Variants in ALCAM observed in about 807,000 individuals in gnomAD.
ALCAM encodes the protein activated leukocyte cell adhesion molecule, also known as CD166 antigen.
Under a neutral mutation model 70.9 loss-of-function variants are expected in ALCAM, and 30 were observed. The ratio of observed to expected loss-of-function variants is 0.42; its 90% CI spans 0.32 to 0.57. The LOEUF (loss-of-function observed/expected upper bound fraction) is 0.57, where lower values mean the gene tolerates loss of function less well. ALCAM is among the 20% of genes least tolerant of loss of function. The pLI is 0.11. For missense variants in ALCAM, 591 were observed against 695.1 expected (o/e 0.85, Z 1.68); for synonymous variants, 249 against 242.5 (o/e 1.03, Z -0.25).
chr3:105,434,229 A>G (rs1252432679), intron 1 of ALCAM, among the ~76,000 whole-genome samples: 2 of 152,130 alleles, frequency 1.3e-5, no homozygotes, highest in Non-Finnish European at 2.9e-5. Flanking sequence ...ACTTCAAAGC[A>G]CTCTTTATTT....
chr3:105,530,163 A>G (rs931073609), intron 3 of ALCAM, among the ~76,000 whole-genome samples: 1 of 152,094 alleles, frequency 6.6e-6, no homozygotes, highest in African/African-American at 2.4e-5. Context: ...CAGTTTCCAG[A>G]AAACTTTGAC....
At chr3:105,558,062 G>A (rs1247425685) in intron 14 of ALCAM, among the ~76,000 whole-genome samples, 1 of 152,006 alleles carries the variant, frequency 6.6e-6, no homozygotes, top group Non-Finnish European at 1.5e-5. Flanking sequence ...CTACTGAGCT[G>A]TGACCAAAGA....
intron 1 of ALCAM, among the ~76,000 whole-genome samples, chr3:105,378,936 G>A (rs1036623259): frequency 2.6e-5 from 4 of 151,936 alleles, no homozygotes; most frequent in Non-Finnish European, 4.4e-5. Flanking sequence ...GTATCTCCAC[G>A]GTATAAGAAG....
chr3:105,369,286 T>G (rs1033392516), intron 1 of ALCAM, among the ~76,000 whole-genome samples: 1 of 152,092 alleles, frequency 6.6e-6, no homozygotes, highest in African/African-American at 2.4e-5. Flanking sequence ...ATTTAACTGC[T>G]AAAAGGGGGA....
intron 1 of ALCAM, among the ~76,000 whole-genome samples, chr3:105,481,461 A>G (rs747724702): frequency 4.8e-4 from 73 of 152,332 alleles, no homozygotes; most frequent in Non-Finnish European, 6.9e-4. Flanking sequence ...TTTGAAGCAT[A>G]GAACATATGT....
intron 1 of ALCAM, among the ~76,000 whole-genome samples, chr3:105,504,642 C>G (rs1314997349): frequency 6.6e-6 from 1 of 152,194 alleles, no homozygotes; most frequent in Non-Finnish European, 1.5e-5. Flanking sequence ...TTGTTCCCCC[C>G]ACCTTCCCCC....
At chr3:105,450,187 C>T (rs1326981359) in intron 1 of ALCAM, among the ~76,000 whole-genome samples, 2 of 152,114 alleles carry the variant, frequency 1.3e-5, no homozygotes, top group Non-Finnish European at 2.9e-5. Flanking sequence ...GGTTGAGATA[C>T]CCCAAGACTT....
At chr3:105,468,698 G>A (rs939134269) in intron 1 of ALCAM, among the ~76,000 whole-genome samples, 56 of 151,344 alleles carry the variant, frequency 3.7e-4, no homozygotes, top group African/African-American at 1.3e-3. Context: ...CAATGACCAA[G>A]AGTACATAAA....
At chr3:105,411,541 T>C (rs969692390) in intron 1 of ALCAM, among the ~76,000 whole-genome samples, 1 of 152,106 alleles carries the variant, frequency 6.6e-6, no homozygotes, top group Non-Finnish European at 1.5e-5. Context: ...GCAGGCACTG[T>C]TCTAACCTCT....
In ALCAM at chr3:105,532,049, A is replaced by G. The variant is rs1939853417; in HGVS notation, c.442A>G (p.Thr148Ala). 6.2e-7 allele frequency: 1 copy of G among 1,613,338 alleles called. No individual in the cohort carries two copies. The highest frequency in any genetic ancestry group is 8.5e-7 in the Non-Finnish European group (1 of 1,179,708). Residue 148 changes from threonine to alanine, a missense_variant, in exon 4 of 16, where the codon ACA becomes GCA. By Grantham distance (58) the Thr-to-Ala change is moderately conservative. Transcript: ENST00000306107. ...TGTAAGCAAAGCACTGTTTCTCGAAACAGAGCAGCTAAAAAAGGTAAGAAT... is the reference window on the plus strand; with the variant it reads ...TGTAAGCAAAGCACTGTTTCTCGAAGCAGAGCAGCTAAAAAAGGTAAGAAT... The part of the protein sequence containing the change: ...EIVSKALFLE[T>A]EQLKKLGDCI...
intron 1 of ALCAM, among the ~76,000 whole-genome samples, chr3:105,519,194 C>T (rs887727903): frequency 6.6e-6 from 1 of 152,032 alleles, no homozygotes; most frequent in Non-Finnish European, 1.5e-5. Context: ...TTCCCAAGTA[C>T]TATAACCAAT....
At chr3:105,525,468 AG>A (rs1231367418) in intron 3 of ALCAM, 3 of 528,784 alleles carry the variant, frequency 5.7e-6, no homozygotes, top group Admixed American at 6.4e-5. Context: ...TCAGAATGCC[AG>A]TCTTTCAGTC....
At chr3:105,498,306 C>T (rs114958439) in intron 1 of ALCAM, among the ~76,000 whole-genome samples, 1 of 152,068 alleles carries the variant, frequency 6.6e-6, no homozygotes, top group African/African-American at 2.4e-5. Flanking sequence ...CTTCTGTATT[C>T]TGTAGTTTCT....
intron 1 of ALCAM, among the ~76,000 whole-genome samples, chr3:105,369,352 T>G (rs951947918): frequency 6.6e-6 from 1 of 152,162 alleles, no homozygotes; most frequent in Non-Finnish European, 1.5e-5. Context: ...CAGGCTCGTG[T>G]GTCCAGGGGG....
intron 1 of ALCAM, among the ~76,000 whole-genome samples, chr3:105,410,221 T>A (rs1236587212): frequency 1.3e-5 from 2 of 151,978 alleles, no homozygotes; most frequent in East Asian, 3.9e-4. Context: ...TATTTGTAGG[T>A]TGTCTCCAAG....
chr3:105,506,933 G>A (rs562873021), intron 1 of ALCAM, among the ~76,000 whole-genome samples: 10 of 151,938 alleles, frequency 6.6e-5, no homozygotes, highest in Admixed American at 2.0e-4. Context: ...GGATTCAGCT[G>A]CCTAGACTGG....
chr3:105,510,955 G>A (rs139760395), intron 1 of ALCAM, among the ~76,000 whole-genome samples: 9 of 152,052 alleles, frequency 5.9e-5, no homozygotes, highest in East Asian at 5.8e-4. Context: ...ATTTCAAAAC[G>A]GGAGGCACCT....
At position 105,463,104 on chromosome 3, in the gene ALCAM, C is replaced by T. The variant is rs535196606; in HGVS notation, c.74-56963C>T. 2.5e-3 allele frequency among the ~76,000 whole-genome samples: 378 copies of T among 151,538 alleles called. 2 individuals carry two copies. The highest frequency in any genetic ancestry group is 4.4e-3 in the Non-Finnish European group (299 of 67,570). ...CATTTTAACCTTATTTTCCTGTGCA[C>T]CTTCCACAAATCCATACTGCAATCA... On this transcript the variant is annotated intron_variant, in intron 1 of 15. Coordinates refer to ENST00000306107, the MANE Select transcript of ALCAM (RefSeq NM_001627.4).
chr3:105,566,637 A>G (rs1254750061), intron 14 of ALCAM, among the ~76,000 whole-genome samples: 1 of 152,140 alleles, frequency 6.6e-6, no homozygotes, highest in Non-Finnish European at 1.5e-5. Flanking sequence ...AAGGATTACA[A>G]TAAGAACTCA....
Sources: gnomAD v4.1 joint callset for allele counts (sites outside exome capture counted in the v4.1 genomes callset) on GRCh38, gnomAD v4.1.1 for gene constraint, MANE v1.5 for transcripts, NCBI Gene and HGNC (gene_info 2026-07-23, HGNC 2026-07-21) for gene names.